ALK: variants seen among roughly 807,000 people sequenced by gnomAD.
The protein encoded by ALK is ALK tyrosine kinase receptor.
Under a neutral mutation model 163.1 loss-of-function variants are expected in ALK, and 74 were observed. The observed-to-expected ratio is 0.45, with a 90% CI of 0.38 to 0.55. ALK has a LOEUF of 0.55. ALK is among the 20% of genes least tolerant of loss of function. The pLI, the probability that ALK is intolerant of heterozygous loss-of-function variation, is 0.00. For missense variants in ALK, 2,063 were observed against 2,105.3 expected (o/e 0.98, Z 0.39); for synonymous variants, 960 against 843.2 (o/e 1.14, Z -2.40).
intron 3 of ALK, among the ~76,000 whole-genome samples, chr2:29,625,939 A>G (rs1294464578): frequency 6.6e-6 from 1 of 152,242 alleles, no homozygotes; most frequent in Non-Finnish European, 1.5e-5. Context: ...AAGATTGGAA[A>G]GGGCTTTGAA....
chr2:29,609,085 G>T (rs978663762), intron 3 of ALK, among the ~76,000 whole-genome samples: 2 of 152,014 alleles, frequency 1.3e-5, no homozygotes, highest in African/African-American at 4.8e-5. Flanking sequence ...CACCATGCCT[G>T]GCTAAGTTTT....
intron 9 of ALK, among the ~76,000 whole-genome samples, chr2:29,293,515 G>A (rs894752664): frequency 1.3e-5 from 2 of 152,202 alleles, no homozygotes; most frequent in African/African-American, 4.8e-5. Flanking sequence ...TAGAGTATAG[G>A]TGTCTGGGGA....
chr2:29,192,784 C>A lies in ALK; in HGVS notation c.*440G>T, dbSNP rs1668902267. Reference sequence around the variant, plus strand: ...TGTCTTTCCCCATGCTTAGTCATTACAAATAACTCCTTTATTTCCGTTCCC... The same window carrying A: ...TGTCTTTCCCCATGCTTAGTCATTAAAAATAACTCCTTTATTTCCGTTCCC... On this transcript the variant is annotated 3_prime_UTR_variant, in exon 29 of 29. Coordinates refer to ENST00000389048, the MANE Select transcript of ALK (RefSeq NM_004304.5). 1.1e-5 allele frequency: 3 copies of A among 280,344 alleles called. No homozygotes were observed. The highest frequency in any genetic ancestry group is 2.1e-5 in the Non-Finnish European group (3 of 146,184). The allele number at this position is 280,344 out of a possible 1,614,324, so 17.4% of individuals were successfully genotyped here. A position where few individuals can be genotyped will look rare whatever the true frequency, so the allele number is the denominator to read the frequency against.
Position 29,836,493 on chromosome 2 carries a change from T to C in ALK, c.667+83500A>G, listed in dbSNP as rs1287046594. Among the ~76,000 whole-genome samples the C allele has an allele frequency of 2.6e-5, 4 of 152,196 alleles. No homozygotes were observed. The East Asian group carries it at 7.7e-4, about 29-fold the overall frequency. On this transcript the variant is annotated intron_variant, in intron 1 of 28. Coordinates refer to ENST00000389048, the MANE Select transcript of ALK (RefSeq NM_004304.5). ...TCAGCAATAAGTGTTCACTCAGAAC[T>C]GACATATACCACTTCTGCTCACAAC...
At chr2:29,261,172 T>C (rs1321287262) in intron 11 of ALK, among the ~76,000 whole-genome samples, 1 of 152,150 alleles carries the variant, frequency 6.6e-6, no homozygotes, top group Non-Finnish European at 1.5e-5. Context: ...TACTTAGGGG[T>C]TCTCCTGTTC....
At chr2:29,554,508 T>A (rs1673795172) in intron 3 of ALK, among the ~76,000 whole-genome samples, 2 of 152,222 alleles carry the variant, frequency 1.3e-5, no homozygotes, top group African/African-American at 4.8e-5. Flanking sequence ...TAGATTTGGA[T>A]TGGTCTTCAA....
rs548432123 is a variant in ALK, at chr2:29,629,129, A to G, written c.952+65721T>C. Among the ~76,000 whole-genome samples the G allele has an allele frequency of 3.2e-3, 482 of 152,330 alleles. 4 individuals are homozygous for G. Among genetic ancestry groups the G allele is most frequent in the African/African-American group, 0.011 (464 of 41,572 alleles). ...ACACAAAGGCAATGGGGTCATATCT[A>G]GACCTGAACACCGTTGGAGACTCGC... On this transcript the variant is annotated intron_variant, in intron 3 of 28. Coordinates refer to ENST00000389048, the MANE Select transcript of ALK (RefSeq NM_004304.5).
rs2148443457 is a variant in ALK at position 29,920,315 on chromosome 2, T to C, written c.345A>G (p.Pro115=). The C allele has an allele frequency of 1.3e-6, 2 of 1,557,410 alleles. No homozygotes were observed. Among genetic ancestry groups the C allele is most frequent in the East Asian group, 2.4e-5 (1 of 41,634 alleles). Residue 115 remains proline (P), a synonymous_variant, in exon 1 of 29, where the codon CCA becomes CCG. Coordinates refer to ENST00000389048, the MANE Select transcript of ALK (RefSeq NM_004304.5). ...APGVSWTAGS[P]APAEARTLSR... ...ACAGCGTCCGGGCCTCTGCCGGGGCTGGTGAACCGGCGGTCCAGGAGACCC... is the reference window on the plus strand; with the variant it reads ...ACAGCGTCCGGGCCTCTGCCGGGGCCGGTGAACCGGCGGTCCAGGAGACCC...
At chr2:29,624,875 G>A (rs1676147929) in intron 3 of ALK, among the ~76,000 whole-genome samples, 1 of 152,236 alleles carries the variant, frequency 6.6e-6, no homozygotes, top group Non-Finnish European at 1.5e-5. Flanking sequence ...ACAGGAGGGT[G>A]TTCACTGTGG....
intron 4 of ALK, among the ~76,000 whole-genome samples, chr2:29,391,755 C>A (rs1381306629): frequency 6.6e-6 from 1 of 152,124 alleles, no homozygotes; most frequent in Non-Finnish European, 1.5e-5. Flanking sequence ...AATTAAGCAG[C>A]CAGACTTTTA....
chr2:29,853,253 G>A (rs1412987392), intron 1 of ALK, among the ~76,000 whole-genome samples: 1 of 152,042 alleles, frequency 6.6e-6, no homozygotes. Context: ...TTGCCATTTG[G>A]ATATTTCACA....
At position 29,920,045 on chromosome 2, in the gene ALK, G is replaced by C. The variant is rs567498111; in HGVS notation, c.615C>G (p.Ser205=). 3.7e-5 allele frequency: 60 copies of C among 1,614,054 alleles called. No homozygotes were observed. The highest frequency in any genetic ancestry group is 8.5e-6 in the Non-Finnish European group (10 of 1,180,062). The change falls in exon 1 of 29, where the codon TCC becomes TCG. Residue 205 remains serine, a synonymous_variant. Coordinates refer to ENST00000389048, the MANE Select transcript of ALK (RefSeq NM_004304.5). ...GGGGCTGGGAGGCGCGAATTGCCGCGGACAGCCTTCCCTCTCTGCCCACTT... is the reference window on the plus strand; with the variant it reads ...GGGGCTGGGAGGCGCGAATTGCCGCCGACAGCCTTCCCTCTCTGCCCACTT... ...ASEVGREGRL[S]AAIRASQPRL...
At chr2:29,455,313 A>G (rs2148096560) in intron 4 of ALK, among the ~76,000 whole-genome samples, 1 of 152,178 alleles carries the variant, frequency 6.6e-6, no homozygotes, top group African/African-American at 2.4e-5. Flanking sequence ...GCCTTTTCTG[A>G]GCCTTAGCTG....
intron 4 of ALK, among the ~76,000 whole-genome samples, chr2:29,432,437 G>A (rs1423789477): frequency 6.6e-6 from 1 of 152,144 alleles, no homozygotes; most frequent in African/African-American, 2.4e-5. Flanking sequence ...CCGAACAGAT[G>A]CTGGTTCCAT....
intron 3 of ALK, among the ~76,000 whole-genome samples, chr2:29,673,548 G>T (rs1191884931): frequency 9.7e-6 from 1 of 103,528 alleles, no homozygotes; most frequent in South Asian, 3.8e-4. Flanking sequence ...TTTCTGTTTT[G>T]GTACCAGTAC....
chr2:29,722,011 G>C (rs1434071877), intron 1 of ALK, among the ~76,000 whole-genome samples: 2 of 152,210 alleles, frequency 1.3e-5, no homozygotes, highest in African/African-American at 4.8e-5. Flanking sequence ...AACAACTCTA[G>C]GTCTTTGTTT....
chr2:29,693,732 C>A (rs1213254534), intron 3 of ALK, among the ~76,000 whole-genome samples: 2 of 152,212 alleles, frequency 1.3e-5, no homozygotes, highest in Admixed American at 6.5e-5. Flanking sequence ...TCTCGAGAAT[C>A]TGGCCACAGA....
chr2:29,704,916 G>A (rs1678850465), intron 2 of ALK, among the ~76,000 whole-genome samples: 1 of 152,022 alleles, frequency 6.6e-6, no homozygotes, highest in Non-Finnish European at 1.5e-5. Flanking sequence ...AAACCAGGGA[G>A]AATTATCACA....
At chr2:29,606,785 A>G (rs907968317) in intron 3 of ALK, among the ~76,000 whole-genome samples, 1 of 152,224 alleles carries the variant, frequency 6.6e-6, no homozygotes, top group African/African-American at 2.4e-5. Flanking sequence ...AGATATTTGT[A>G]TCTGACTCTA....
Sources: gnomAD v4.1 joint callset for allele counts (sites outside exome capture counted in the v4.1 genomes callset) on GRCh38, gnomAD v4.1.1 for gene constraint, MANE v1.5 for transcripts, NCBI Gene and HGNC (gene_info 2026-07-23, HGNC 2026-07-21) for gene names.